Variants in NOL4 observed in about 807,000 individuals in gnomAD.
The protein encoded by NOL4 is cancer/testis antigen 125.
NOL4 carries 17 observed loss-of-function variants against 75.9 expected under a neutral mutation model. The observed-to-expected ratio is 0.22, with a 90% CI of 0.15 to 0.34. NOL4 has a LOEUF of 0.34. Ranked by LOEUF, NOL4 falls within the 10% of genes least tolerant of loss-of-function variation. The pLI, the probability that NOL4 is intolerant of heterozygous loss-of-function variation, is 1.00. For missense variants in NOL4, 614 were observed against 793.5 expected, an observed-to-expected ratio of 0.77 and a Z score of 2.72; for synonymous variants, 292 against 289.9, an observed-to-expected ratio of 1.01 and a Z score of -0.07.
chr18:34,134,481 C>T (rs952077816), intron 1 of NOL4, among the ~76,000 whole-genome samples: 16 of 138,988 alleles, frequency 1.2e-4, no homozygotes, highest in African/African-American at 1.8e-4. Context: ...CACACACACA[C>T]ACACACACAC....
At chr18:34,096,072 T>C (rs2078764020) in intron 4 of NOL4, among the ~76,000 whole-genome samples, 1 of 152,060 alleles carries the variant, frequency 6.6e-6, no homozygotes, top group Non-Finnish European at 1.5e-5. Context: ...CAGCATATTA[T>C]GGAAAATCAA....
intron 6 of NOL4, among the ~76,000 whole-genome samples, chr18:33,970,671 G>A (rs1315779191): frequency 6.6e-6 from 1 of 151,866 alleles, no homozygotes; most frequent in Admixed American, 6.6e-5. Context: ...CAGAATGTTA[G>A]ATAAATCTAT....
chr18:33,895,810 A>G (rs1288940239), intron 9 of NOL4, among the ~76,000 whole-genome samples: 6 of 152,166 alleles, frequency 3.9e-5, no homozygotes, highest in Admixed American at 6.6e-5. Context: ...AACCAGAACA[A>G]TTAGGCAAGA....
intron 9 of NOL4, among the ~76,000 whole-genome samples, chr18:33,934,007 A>G (rs190345542): frequency 6.6e-6 from 1 of 152,266 alleles, no homozygotes; most frequent in Non-Finnish European, 1.5e-5. Flanking sequence ...ACCTGAAAGT[A>G]TGATTACTCC....
chr18:34,202,328 TTAAG>T (rs2035798892), intron 1 of NOL4, among the ~76,000 whole-genome samples: 1 of 151,952 alleles, frequency 6.6e-6, no homozygotes, highest in Non-Finnish European at 1.5e-5. Context: ...ACTGAAATTG[TTAAG>T]TAATAAATTG....
intron 1 of NOL4, chr18:34,157,191 C>G (rs977262420): frequency 6.6e-6 from 1 of 152,034 alleles, no homozygotes; most frequent in Non-Finnish European, 1.5e-5. Context: ...TAGAATTTAC[C>G]AAAAGCTGGA....
intron 5 of NOL4, among the ~76,000 whole-genome samples, chr18:34,087,860 G>T: frequency 6.6e-6 from 1 of 151,786 alleles, no homozygotes; most frequent in East Asian, 1.9e-4. Flanking sequence ...GAGGCCAAAA[G>T]GCTCAAAGGA....
intron 2 of NOL4, among the ~76,000 whole-genome samples, chr18:34,114,451 A>G (rs2079754582): frequency 6.6e-6 from 1 of 152,182 alleles, no homozygotes; most frequent in Admixed American, 6.5e-5. Flanking sequence ...TATATTGCTC[A>G]CAACAGAAAC....
intron 6 of NOL4, among the ~76,000 whole-genome samples, chr18:34,011,802 A>C (rs2074388812): frequency 6.6e-6 from 1 of 151,870 alleles, no homozygotes. Flanking sequence ...GGTCAAAAAT[A>C]CAATCTATAA....
chr18:34,060,681 A>C (rs1217025941), intron 5 of NOL4, among the ~76,000 whole-genome samples: 1 of 152,128 alleles, frequency 6.6e-6, no homozygotes, highest in Non-Finnish European at 1.5e-5. Flanking sequence ...GTGGATGCTC[A>C]ATACTTGTTG....
At chr18:33,857,701 G>A (rs1282014558) in intron 10 of NOL4, among the ~76,000 whole-genome samples, 1 of 151,988 alleles carries the variant, frequency 6.6e-6, no homozygotes, top group Non-Finnish European at 1.5e-5. Context: ...TAATGAACAT[G>A]GTTAATTGAT....
At chr18:34,172,193 C>T (rs2033109158) in intron 1 of NOL4, among the ~76,000 whole-genome samples, 1 of 152,064 alleles carries the variant, frequency 6.6e-6, no homozygotes, top group South Asian at 2.1e-4. Context: ...TTTTCTATAT[C>T]ACTTGCAGCA....
At chr18:33,918,826 A>G (rs930745588) in intron 9 of NOL4, among the ~76,000 whole-genome samples, 1 of 152,130 alleles carries the variant, frequency 6.6e-6, no homozygotes, top group African/African-American at 2.4e-5. Context: ...CTATTGAACA[A>G]TAGGAAGTTA....
intron 5 of NOL4, among the ~76,000 whole-genome samples, chr18:34,035,052 G>A (rs139722688): frequency 4.6e-5 from 7 of 151,848 alleles, no homozygotes; most frequent in East Asian, 3.9e-4. Context: ...GCATTACACC[G>A]ATCATCTAGA....
intron 1 of NOL4, among the ~76,000 whole-genome samples, chr18:34,216,735 G>A (rs1404415188): frequency 1.3e-5 from 2 of 151,460 alleles, no homozygotes; most frequent in Non-Finnish European, 2.9e-5. Flanking sequence ...TTTATCATTA[G>A]AGAAAGTCAA....
At chr18:34,070,314 C>T (rs749229469) in intron 5 of NOL4, among the ~76,000 whole-genome samples, 1 of 152,212 alleles carries the variant, frequency 6.6e-6, no homozygotes, top group South Asian at 2.1e-4. Flanking sequence ...CCACCGCGCC[C>T]GGCCCGCCTT....
intron 6 of NOL4, among the ~76,000 whole-genome samples, chr18:33,960,602 A>G (rs1266527537): frequency 1.3e-5 from 2 of 152,112 alleles, no homozygotes; most frequent in African/African-American, 2.4e-5. Flanking sequence ...AGCAATTTTC[A>G]TTCAACAAAG....
rs2033414689 is a variant in NOL4, at chr18:34,175,044, C to T, written c.265-45024G>A. Among the ~76,000 whole-genome samples, 4 of 152,218 alleles carry T rather than the reference C, an allele frequency of 2.6e-5. No individual in the cohort carries two copies. In the South Asian group the frequency reaches 8.3e-4, roughly 32 times the overall value. Reference sequence around the variant, plus strand: ...CAGCAATCCCATTACTGGGTATATACCCAAAGGATTATAAATCATTCTACT... The same window carrying T: ...CAGCAATCCCATTACTGGGTATATATCCAAAGGATTATAAATCATTCTACT... On this transcript the variant is annotated intron_variant, in intron 1 of 10. Coordinates refer to ENST00000261592, the MANE Select transcript of NOL4 (RefSeq NM_003787.5).
intron 1 of NOL4, among the ~76,000 whole-genome samples, chr18:34,195,169 T>C (rs551410120): frequency 4.6e-5 from 7 of 152,288 alleles, no homozygotes; most frequent in African/African-American, 1.7e-4. Flanking sequence ...AAGTTTACAG[T>C]AAAAAAGGAT....
Sources: gnomAD v4.1 joint callset for allele counts (sites outside exome capture counted in the v4.1 genomes callset) on GRCh38, gnomAD v4.1.1 for gene constraint, MANE v1.5 for transcripts, NCBI Gene and HGNC (gene_info 2026-07-23, HGNC 2026-07-21) for gene names.